The following SKAP2 variants were observed in gnomAD, a reference collection of about 807,000 sequenced individuals.
SKAP2 encodes the protein src kinase-associated phosphoprotein 2.
Under a neutral mutation model 54.9 loss-of-function variants are expected in SKAP2, and 28 were observed. The ratio of observed to expected loss-of-function variants is 0.51; its 90% CI spans 0.38 to 0.70. The LOEUF (loss-of-function observed/expected upper bound fraction) is 0.70. SKAP2 is among the 30% of genes least tolerant of loss of function. The probability of loss-of-function intolerance (pLI) is 0.00; values close to 1 mark genes in which losing one functional copy is unlikely to be tolerated. For missense variants in SKAP2, 356 were observed against 424.1 expected (o/e 0.84, Z 1.41); for synonymous variants, 137 against 134.3 (o/e 1.02, Z -0.14).
chr7:26,679,410 G>C (rs1786432682), intron 11 of SKAP2, among the ~76,000 whole-genome samples: 6 of 152,200 alleles, frequency 3.9e-5, no homozygotes, highest in Admixed American at 3.9e-4. Context: ...ACTCCTAGGA[G>C]GAGATGGGTA....
At chr7:26,778,467 A>T (rs1043155490) in intron 4 of SKAP2, among the ~76,000 whole-genome samples, 8 of 152,094 alleles carry the variant, frequency 5.3e-5, no homozygotes, top group Non-Finnish European at 1.0e-4. Flanking sequence ...TTTTAAATTC[A>T]TATAAAGGAC....
chr7:26,718,955 G>T (rs1306656672), intron 9 of SKAP2, among the ~76,000 whole-genome samples: 1 of 152,150 alleles, frequency 6.6e-6, no homozygotes, highest in Non-Finnish European at 1.5e-5. Flanking sequence ...GAGGCAGAAG[G>T]ATCACTTGAA....
chr7:26,816,546 G>C (rs1784270082), intron 4 of SKAP2, among the ~76,000 whole-genome samples: 1 of 151,888 alleles, frequency 6.6e-6, no homozygotes, highest in African/African-American at 2.4e-5. Flanking sequence ...TAGTAAGTCA[G>C]ATATTAAGAA....
chr7:26,757,990 T>C (rs1340268958), intron 4 of SKAP2, among the ~76,000 whole-genome samples: 5 of 152,198 alleles, frequency 3.3e-5, no homozygotes, highest in Non-Finnish European at 7.3e-5. Context: ...CTCGATCTCC[T>C]GACCTCATGA....
intron 4 of SKAP2, among the ~76,000 whole-genome samples, chr7:26,825,846 T>C (rs559611241): frequency 1.2e-4 from 19 of 152,310 alleles, no homozygotes; most frequent in Middle Eastern, 3.4e-3. Flanking sequence ...ACTGAATGTA[T>C]ATCTATAACT....
chr7:26,692,202 A>G lies in SKAP2; in HGVS notation c.797-1840T>C, dbSNP rs533899065. 2.7e-3 allele frequency among the ~76,000 whole-genome samples: 417 copies of G among 151,702 alleles called. 2 individuals are homozygous for G. Among genetic ancestry groups the G allele is most frequent in the African/African-American group, 8.7e-3 (358 of 41,250 alleles). On this transcript the variant is annotated intron_variant, in intron 9 of 12. Transcript: ENST00000345317. The stretch of plus-strand genomic sequence containing the variant: ...TGAATGTGGAGGAATGAGGGGGGGG[A>G]AAAGAGCAACAAAGGATGGCTAAGG...
At chr7:26,807,003 A>G (rs1198474926) in intron 4 of SKAP2, among the ~76,000 whole-genome samples, 1 of 152,194 alleles carries the variant, frequency 6.6e-6, no homozygotes, top group Admixed American at 6.5e-5. Flanking sequence ...TATGATGGAA[A>G]TAGCAAGAGA....
intron 9 of SKAP2, among the ~76,000 whole-genome samples, chr7:26,714,103 T>C (rs888340225): frequency 1.1e-4 from 16 of 152,110 alleles, no homozygotes; most frequent in Admixed American, 2.0e-4. Flanking sequence ...AAAACCAAAC[T>C]GCCTGAGGAT....
rs763551490 is a variant in SKAP2, at chr7:26,726,938, C to T, written c.538G>A (p.Asp180Asn). ...TCAAAACAGCAATCTTTCTTTCCAT[C>T]CTTTCTTAGAGTGTTATTCATTCTG... The part of the protein sequence containing the change: ...SVRMNNTLRK[D>N]GKKDCCFEIS... The change falls in exon 7 of 13, where the codon GAT becomes AAT. Residue 180 changes from aspartate (D) to asparagine (N), a missense_variant. Coordinates refer to ENST00000345317, the MANE Select transcript of SKAP2 (RefSeq NM_003930.5). 155 of 1,610,644 alleles carry T rather than the reference C, an allele frequency of 9.6e-5. No homozygotes were observed. The highest frequency in any genetic ancestry group is 1.2e-4 in the Non-Finnish European group (143 of 1,178,028).
chr7:26,821,977 T>C (rs1302990683), intron 4 of SKAP2, among the ~76,000 whole-genome samples: 1 of 152,218 alleles, frequency 6.6e-6, no homozygotes, highest in East Asian at 1.9e-4. Context: ...CTTAATCTGA[T>C]ACATTAGCAT....
intron 4 of SKAP2, among the ~76,000 whole-genome samples, chr7:26,801,486 C>T (rs1038656223): frequency 1.5e-4 from 23 of 152,086 alleles, no homozygotes; most frequent in Non-Finnish European, 3.4e-4. Flanking sequence ...TTATTCAACA[C>T]AGTACTGGAA....
intron 4 of SKAP2, among the ~76,000 whole-genome samples, chr7:26,766,862 C>T (rs955459183): frequency 1.3e-5 from 2 of 152,124 alleles, no homozygotes; most frequent in African/African-American, 2.4e-5. Context: ...CTGCTGGATT[C>T]AGTTTGCCAG....
chr7:26,742,921 G>C (rs981194561), intron 4 of SKAP2, among the ~76,000 whole-genome samples: 7 of 152,044 alleles, frequency 4.6e-5, no homozygotes, highest in Admixed American at 3.3e-4. Flanking sequence ...ATATCATTTA[G>C]ACCTCATATC....
chr7:26,853,072 T>C (rs1307747761), intron 3 of SKAP2, among the ~76,000 whole-genome samples: 3 of 152,088 alleles, frequency 2.0e-5, no homozygotes, highest in Non-Finnish European at 2.9e-5. Flanking sequence ...AATCTTAATA[T>C]GAAAAAAAAA....
rs190560830 is a variant in SKAP2, at chr7:26,796,712, A to G, written c.307+47318T>C. Reference sequence around the variant, plus strand: ...TTTTCTCATTAATTTTCTTAATAACATTTCTCTAGCTTATTCTATTATAAG... The same window carrying G: ...TTTTCTCATTAATTTTCTTAATAACGTTTCTCTAGCTTATTCTATTATAAG... On this transcript the variant is annotated intron_variant, in intron 4 of 12. Transcript: ENST00000345317. Among the ~76,000 whole-genome samples the G allele has an allele frequency of 8.5e-5, 13 of 152,312 alleles. No homozygotes were observed. In the East Asian group the frequency reaches 1.9e-3, roughly 23 times the overall value.
At chr7:26,794,925 T>G (rs768170125) in intron 4 of SKAP2, among the ~76,000 whole-genome samples, 1 of 152,214 alleles carries the variant, frequency 6.6e-6, no homozygotes, top group Non-Finnish European at 1.5e-5. Context: ...AAGTTCCTAA[T>G]AAAACCCCAT....
intron 1 of SKAP2, among the ~76,000 whole-genome samples, chr7:26,863,254 G>C (rs80150924): frequency 6.6e-6 from 1 of 152,104 alleles, no homozygotes; most frequent in Non-Finnish European, 1.5e-5. Context: ...CATTGCTATA[G>C]GAGTAACATA....
chr7:26,741,675 T>G (rs551739277), intron 4 of SKAP2, among the ~76,000 whole-genome samples: 1 of 152,266 alleles, frequency 6.6e-6, no homozygotes, highest in East Asian at 1.9e-4. Flanking sequence ...TATCCTGATG[T>G]GATTATCATG....
intron 6 of SKAP2, among the ~76,000 whole-genome samples, chr7:26,735,610 G>A (rs1427257608): frequency 1.3e-5 from 2 of 152,150 alleles, no homozygotes; most frequent in Non-Finnish European, 2.9e-5. Context: ...CTAGTAAGTG[G>A]TGTCAACTCC....
Sources: gnomAD v4.1 joint callset for allele counts (sites outside exome capture counted in the v4.1 genomes callset) on GRCh38, gnomAD v4.1.1 for gene constraint, MANE v1.5 for transcripts, NCBI Gene and HGNC (gene_info 2026-07-23, HGNC 2026-07-21) for gene names.